Variants in MACROD2 observed in about 807,000 individuals in gnomAD.
MACROD2 encodes the protein mono-ADP ribosylhydrolase 2, also known as ADP-ribose glycohydrolase MACROD2.
In MACROD2, 36 loss-of-function variants were observed where a neutral mutation model predicts 70.4. That is an observed-to-expected ratio of 0.51 (90% CI 0.39 to 0.68). The LOEUF (loss-of-function observed/expected upper bound fraction) is 0.68, where lower values mean the gene tolerates loss of function less well. MACROD2 is among the 30% of genes least tolerant of loss of function. The pLI, the probability that MACROD2 is intolerant of heterozygous loss-of-function variation, is 0.00. For synonymous variants in MACROD2, 172 were observed against 178.8 expected (o/e 0.96, Z 0.30); for missense variants, 496 against 538.4 (o/e 0.92, Z 0.78).
chr20:14,740,753 T>C (rs886178047), intron 5 of MACROD2, among the ~76,000 whole-genome samples: 1 of 151,432 alleles, frequency 6.6e-6, no homozygotes, highest in Non-Finnish European at 1.5e-5. Context: ...AATGAAAGAT[T>C]AAAAAAAAAC....
At chr20:14,949,144 C>A (rs1331520066) in intron 5 of MACROD2, among the ~76,000 whole-genome samples, 1 of 152,156 alleles carries the variant, frequency 6.6e-6, no homozygotes, top group African/African-American at 2.4e-5. Flanking sequence ...TCTCTGCCCC[C>A]AGCCATACAT....
chr20:15,274,469 G>A (rs1281733690), intron 6 of MACROD2, among the ~76,000 whole-genome samples: 1 of 152,182 alleles, frequency 6.6e-6, no homozygotes, highest in African/African-American at 2.4e-5. Context: ...CAATAACATT[G>A]TTGGGTGCCC....
chr20:15,174,215 T>C (rs1165907484), intron 5 of MACROD2, among the ~76,000 whole-genome samples: 1 of 152,228 alleles, frequency 6.6e-6, no homozygotes, highest in Non-Finnish European at 1.5e-5. Context: ...ATATAAAATC[T>C]TTAAATGTAT....
intron 2 of MACROD2, among the ~76,000 whole-genome samples, chr20:14,060,304 A>C (rs894558843): frequency 6.6e-6 from 1 of 152,182 alleles, no homozygotes; most frequent in African/African-American, 2.4e-5. Flanking sequence ...TTACAGATCC[A>C]TGTTTCTAAC....
chr20:14,831,766 G>A (rs1470267415), intron 5 of MACROD2, among the ~76,000 whole-genome samples: 10 of 94,098 alleles, frequency 1.1e-4, no homozygotes, highest in Non-Finnish European at 3.8e-5. Flanking sequence ...GGTGACAAGA[G>A]TGAAACTCCG....
At chr20:15,120,619 A>G (rs2076023356) in intron 5 of MACROD2, among the ~76,000 whole-genome samples, 1 of 152,212 alleles carries the variant, frequency 6.6e-6, no homozygotes, top group African/African-American at 2.4e-5. Context: ...ATACACAGAC[A>G]GTATATTAAA....
At chr20:15,184,375 AT>A (rs147348861) in intron 5 of MACROD2, among the ~76,000 whole-genome samples, 8,994 of 152,202 alleles carry the variant, frequency 0.059, 319 homozygotes, top group South Asian at 0.14. Context: ...ACCTATCAAT[AT>A]TTTACCCACA....
At chr20:14,390,864 A>AT (rs2083519037) in intron 3 of MACROD2, among the ~76,000 whole-genome samples, 1 of 152,210 alleles carries the variant, frequency 6.6e-6, no homozygotes, top group Non-Finnish European at 1.5e-5. Context: ...CAACAATCAT[A>AT]TTTAAAAAAG....
chr20:15,445,286 G>T (rs1663201375), intron 7 of MACROD2, among the ~76,000 whole-genome samples: 1 of 152,156 alleles, frequency 6.6e-6, no homozygotes, highest in Non-Finnish European at 1.5e-5. Flanking sequence ...GTCTGGAAAT[G>T]AAGTCTGTTT....
At chr20:14,565,502 T>C (rs1568673564) in intron 4 of MACROD2, among the ~76,000 whole-genome samples, 3 of 141,688 alleles carry the variant, frequency 2.1e-5, no homozygotes, top group Non-Finnish European at 4.6e-5. Flanking sequence ...AAGGATATAA[T>C]GTAAACCTTT....
At chr20:15,813,717 T>C (rs1276606388) in intron 8 of MACROD2, among the ~76,000 whole-genome samples, 1 of 151,410 alleles carries the variant, frequency 6.6e-6, no homozygotes, top group Non-Finnish European at 1.5e-5. Context: ...AGTTCAAGGC[T>C]TCAGTGAGCA....
intron 8 of MACROD2, among the ~76,000 whole-genome samples, chr20:15,847,365 C>T (rs1002727162): frequency 2.0e-5 from 3 of 152,110 alleles, no homozygotes; most frequent in Non-Finnish European, 4.4e-5. Context: ...ATTCCATTTG[C>T]ATATCTTTGT....
intron 6 of MACROD2, among the ~76,000 whole-genome samples, chr20:15,278,942 G>A (rs887665394): frequency 6.6e-6 from 1 of 152,160 alleles, no homozygotes; most frequent in Non-Finnish European, 1.5e-5. Flanking sequence ...TGAAATGGAT[G>A]CCTCGCGTGC....
intron 5 of MACROD2, among the ~76,000 whole-genome samples, chr20:15,219,393 C>G: frequency 6.6e-6 from 1 of 151,748 alleles, no homozygotes; most frequent in Non-Finnish European, 1.5e-5. Context: ...TGCTGTAACA[C>G]TCACTCATTT....
intron 4 of MACROD2, among the ~76,000 whole-genome samples, chr20:14,680,142 A>C (rs2070913991): frequency 6.6e-6 from 1 of 152,198 alleles, no homozygotes; most frequent in South Asian, 2.1e-4. Context: ...ATAGGAATTA[A>C]GGAGGAGATG....
intron 6 of MACROD2, among the ~76,000 whole-genome samples, chr20:15,424,274 A>G (rs1056025018): frequency 6.6e-6 from 1 of 152,258 alleles, no homozygotes; most frequent in Non-Finnish European, 1.5e-5. Context: ...TATCACATTT[A>G]AATGGGTAAT....
chr20:15,992,283 A>G lies in MACROD2; in HGVS notation c.1153+5125A>G, dbSNP rs535867203. On this transcript the variant is annotated intron_variant, in intron 15 of 17. Transcript: ENST00000684519. Reference sequence around the variant, plus strand: ...CTTGTCTTTAAAGATTTAGAAAAAAATTGCCCTGAAACTCCATTTTTCATG... The same window carrying G: ...CTTGTCTTTAAAGATTTAGAAAAAAGTTGCCCTGAAACTCCATTTTTCATG... 3.9e-5 allele frequency among the ~76,000 whole-genome samples: 6 copies of G among 152,296 alleles called. No individual in the cohort carries two copies. In the South Asian group the frequency reaches 1.0e-3, roughly 26 times the overall value.
At chr20:15,860,928 T>C (rs112157988) in intron 8 of MACROD2, among the ~76,000 whole-genome samples, 3,689 of 152,002 alleles carry the variant, frequency 0.024, 54 homozygotes, top group Middle Eastern at 0.037. Flanking sequence ...TTTTGTAGAG[T>C]TGACATGAAA....
At chr20:14,763,629 A>T (rs773613239) in intron 5 of MACROD2, among the ~76,000 whole-genome samples, 1 of 152,134 alleles carries the variant, frequency 6.6e-6, no homozygotes, top group Non-Finnish European at 1.5e-5. Flanking sequence ...GATGGGATTT[A>T]AGAGAGAAGG....
Sources: gnomAD v4.1 joint callset for allele counts (sites outside exome capture counted in the v4.1 genomes callset) on GRCh38, gnomAD v4.1.1 for gene constraint, MANE v1.5 for transcripts, NCBI Gene and HGNC (gene_info 2026-07-23, HGNC 2026-07-21) for gene names.